The following KLF12 variants were observed in gnomAD, a reference collection of about 807,000 sequenced individuals.
KLF12 encodes KLF transcription factor 12.
A neutral mutation model predicts 37.8 loss-of-function variants in KLF12; 9 were observed. That is an observed-to-expected ratio of 0.24 (90% CI 0.14 to 0.42). KLF12 has a LOEUF of 0.42. Among genes scored for constraint, KLF12 ranks in the 10% least tolerant of loss-of-function variants. The pLI is 1.00. For missense variants in KLF12, 411 were observed against 516.0 expected (o/e 0.80, Z 1.97); for synonymous variants, 208 against 202.1 (o/e 1.03, Z -0.25).
At chr13:74,303,567 CT>C in the KLF12 span, among the ~76,000 whole-genome samples, 1 of 152,040 alleles carries the variant, frequency 6.6e-6, no homozygotes, top group Admixed American at 6.6e-5. Flanking sequence ...TGAAAATATA[CT>C]TTTTTTGATG....
At chr13:74,127,205 G>C (rs570591370) in intron 1 of KLF12, among the ~76,000 whole-genome samples, 50 of 152,290 alleles carry the variant, frequency 3.3e-4, no homozygotes, top group African/African-American at 9.4e-4. Context: ...CAATACACTA[G>C]AGCAAATATT....
At chr13:73,996,512 A>G (rs988022311) in intron 1 of KLF12, among the ~76,000 whole-genome samples, 33 of 152,304 alleles carry the variant, frequency 2.2e-4, no homozygotes, top group Middle Eastern at 3.4e-3. Flanking sequence ...AATTTTTTTC[A>G]TTTAATGTGC....
intron 7 of KLF12, among the ~76,000 whole-genome samples, chr13:73,698,922 A>C (rs1874341422): frequency 6.6e-6 from 1 of 152,146 alleles, no homozygotes; most frequent in Non-Finnish European, 1.5e-5. Flanking sequence ...TGGGTGAGGG[A>C]ATGTTTTAGT....
chr13:74,140,075 A>G, the KLF12 span, among the ~76,000 whole-genome samples: 1 of 152,208 alleles, frequency 6.6e-6, no homozygotes, highest in South Asian at 2.1e-4. Context: ...TTGCAATTGT[A>G]TTTACATAAT....
intron 1 of KLF12, among the ~76,000 whole-genome samples, chr13:74,071,077 C>T (rs185497347): frequency 2.0e-4 from 30 of 152,314 alleles, no homozygotes; most frequent in Admixed American, 4.6e-4. Context: ...CCACCACACC[C>T]TAATAAGTAA....
the KLF12 span, among the ~76,000 whole-genome samples, chr13:74,165,987 T>A: frequency 6.6e-6 from 1 of 152,200 alleles, no homozygotes; most frequent in African/African-American, 2.4e-5. Context: ...GTTACATCTA[T>A]GAGATCTATT....
intron 5 of KLF12, among the ~76,000 whole-genome samples, chr13:73,805,647 AGGG>A (rs1170059594): frequency 1.5e-3 from 37 of 24,914 alleles, no homozygotes; most frequent in Non-Finnish European, 1.6e-3. Flanking sequence ...GGAGGGAGGG[AGGG>A]AGGAAGGAAG....
intron 1 of KLF12, among the ~76,000 whole-genome samples, chr13:74,068,152 T>C (rs1593872338): frequency 6.6e-6 from 1 of 152,220 alleles, no homozygotes; most frequent in East Asian, 1.9e-4. Flanking sequence ...AGTAATGCCT[T>C]ATTTTTAAAA....
At chr13:73,899,239 C>T (rs1173763646) in intron 3 of KLF12, among the ~76,000 whole-genome samples, 1 of 152,140 alleles carries the variant, frequency 6.6e-6, no homozygotes, top group African/African-American at 2.4e-5. Context: ...ATGGGAAACA[C>T]CACATCACTA....
intron 2 of KLF12, among the ~76,000 whole-genome samples, chr13:73,948,770 A>G (rs369594617): frequency 6.6e-6 from 1 of 152,204 alleles, no homozygotes; most frequent in East Asian, 1.9e-4. Context: ...AACTAATTGC[A>G]AAACCTTTGC....
At chr13:74,260,134 A>ACACT in the KLF12 span, among the ~76,000 whole-genome samples, 3 of 152,182 alleles carry the variant, frequency 2.0e-5, no homozygotes, top group African/African-American at 7.2e-5. Flanking sequence ...AAATACACAC[A>ACACT]CACTCACACA....
the KLF12 span, among the ~76,000 whole-genome samples, chr13:74,171,044 T>A: frequency 8.5e-5 from 13 of 152,274 alleles, no homozygotes; most frequent in Non-Finnish European, 1.5e-4. Flanking sequence ...GGATTACAGG[T>A]GTGACCCACA....
chr13:73,824,760 A>G (rs1883739022), intron 4 of KLF12, among the ~76,000 whole-genome samples: 1 of 152,138 alleles, frequency 6.6e-6, no homozygotes, highest in African/African-American at 2.4e-5. Flanking sequence ...GCATCAATCT[A>G]TTAGAAATAT....
intron 1 of KLF12, among the ~76,000 whole-genome samples, chr13:74,100,985 T>C (rs1876309060): frequency 6.6e-6 from 1 of 152,164 alleles, no homozygotes; most frequent in Non-Finnish European, 1.5e-5. Context: ...CAGGGAAAAT[T>C]AATCACCAAA....
intron 6 of KLF12, among the ~76,000 whole-genome samples, chr13:73,724,458 T>A (rs58178747): frequency 0.15 from 23,124 of 152,072 alleles, 2,875 homozygotes; most frequent in African/African-American, 0.35. Context: ...TCAGACCAAG[T>A]AGAACTCATT....
the KLF12 span, among the ~76,000 whole-genome samples, chr13:74,191,827 C>CTA: frequency 6.6e-5 from 10 of 151,802 alleles, no homozygotes; most frequent in African/African-American, 1.5e-4. Context: ...TTCTCTCTGT[C>CTA]TATATATATA....
At position 73,713,840 on chromosome 13, in the gene KLF12, T is replaced by C. The variant is rs1455952204; in HGVS notation, c.1027+1528A>G. 2.0e-5 allele frequency among the ~76,000 whole-genome samples: 3 copies of C among 152,354 alleles called. No individual in the cohort carries two copies. In the South Asian group the frequency reaches 6.2e-4, roughly 32 times the overall value. ...GGTGTCTGTGTGAAAATGAGGCTAATATGTATTCCAGAAAACTCAAAGAGA... is the reference window on the plus strand; with the variant it reads ...GGTGTCTGTGTGAAAATGAGGCTAACATGTATTCCAGAAAACTCAAAGAGA... On this transcript the variant is annotated intron_variant, in intron 7 of 7. Coordinates refer to ENST00000377669, the MANE Select transcript of KLF12 (RefSeq NM_007249.5).
At chr13:74,185,212 TA>T in the KLF12 span, among the ~76,000 whole-genome samples, 1 of 152,212 alleles carries the variant, frequency 6.6e-6, no homozygotes, top group Non-Finnish European at 1.5e-5. Context: ...ACACAATAAA[TA>T]TTTTTTCCTG....
At chr13:74,014,491 C>T (rs1438347417) in intron 1 of KLF12, among the ~76,000 whole-genome samples, 4 of 152,054 alleles carry the variant, frequency 2.6e-5, no homozygotes, top group Admixed American at 1.3e-4. Flanking sequence ...ATTGAACATG[C>T]GTAGTTTGTA....
Sources: allele counts gnomAD v4.1 joint callset (sites outside exome capture counted in the v4.1 genomes callset), GRCh38; gene constraint gnomAD v4.1.1; transcripts MANE v1.5; gene names NCBI Gene and HGNC (gene_info 2026-07-23, HGNC 2026-07-21).